ANKS1B: variants seen among roughly 807,000 people sequenced by gnomAD.
The protein encoded by ANKS1B is ankyrin repeat and sterile alpha motif domain containing 1B.
In ANKS1B, 36 loss-of-function variants were observed where a neutral mutation model predicts 148.3. The observed-to-expected ratio is 0.24, with a 90% confidence interval of 0.19 to 0.32. The LOEUF (loss-of-function observed/expected upper bound fraction) is 0.32. Ranked by LOEUF, ANKS1B falls within the 10% of genes least tolerant of loss-of-function variation. ANKS1B has a pLI of 1.00. For missense variants in ANKS1B, 1,157 were observed against 1,542.6 expected (o/e 0.75, Z 4.19); for synonymous variants, 542 against 560.8 (o/e 0.97, Z 0.47).
chr12:98,880,769 A>C (rs912770073), intron 17 of ANKS1B, among the ~76,000 whole-genome samples: 4 of 152,274 alleles, frequency 2.6e-5, no homozygotes, highest in Admixed American at 1.3e-4. Flanking sequence ...CTCCGTCTCA[A>C]AAAAATAAAA....
chr12:98,892,813 C>T (rs1471661339), intron 17 of ANKS1B, among the ~76,000 whole-genome samples: 4 of 152,220 alleles, frequency 2.6e-5, no homozygotes, highest in Non-Finnish European at 4.4e-5. Flanking sequence ...CTCCTTCTGG[C>T]CCCCATTAGG....
At chr12:98,880,723 G>A (rs1567480243) in intron 17 of ANKS1B, among the ~76,000 whole-genome samples, 2 of 151,974 alleles carry the variant, frequency 1.3e-5, no homozygotes, top group South Asian at 2.1e-4. Flanking sequence ...AGCCGAGATC[G>A]CGCCACTGCA....
At chr12:99,934,467 G>C (rs1441519827) in intron 1 of ANKS1B, among the ~76,000 whole-genome samples, 1 of 152,078 alleles carries the variant, frequency 6.6e-6, no homozygotes, top group African/African-American at 2.4e-5. Flanking sequence ...GTCTGTTCAA[G>C]TTTTGGATTT....
At chr12:99,116,785 T>C (rs1428311158) in intron 15 of ANKS1B, among the ~76,000 whole-genome samples, 1 of 152,218 alleles carries the variant, frequency 6.6e-6, no homozygotes, top group East Asian at 1.9e-4. Context: ...ATAAATTACT[T>C]TGAGCCATAT....
chr12:99,709,228 A>G (rs1413845815), intron 8 of ANKS1B, among the ~76,000 whole-genome samples: 2 of 152,174 alleles, frequency 1.3e-5, no homozygotes, highest in Admixed American at 6.5e-5. Flanking sequence ...GTGAACACTT[A>G]AAGAATTCTA....
intron 8 of ANKS1B, among the ~76,000 whole-genome samples, chr12:99,657,659 A>G (rs7305080): frequency 6.8e-6 from 1 of 146,840 alleles, no homozygotes; most frequent in South Asian, 2.2e-4. Context: ...ATATATATAT[A>G]TGATAAAGTT....
At chr12:98,945,095 T>A (rs544929041) in intron 17 of ANKS1B, among the ~76,000 whole-genome samples, 1 of 152,208 alleles carries the variant, frequency 6.6e-6, no homozygotes, top group Non-Finnish European at 1.5e-5. Context: ...AGCTTTTCTG[T>A]ATATTTATGT....
chr12:98,767,587 T>G (rs1016841442), intron 25 of ANKS1B, among the ~76,000 whole-genome samples: 5 of 152,058 alleles, frequency 3.3e-5, no homozygotes, highest in Admixed American at 2.0e-4. Flanking sequence ...TTCAGAGGAG[T>G]GAGAATTAGC....
chr12:99,581,073 A>G (rs896492308), intron 9 of ANKS1B, among the ~76,000 whole-genome samples: 1 of 152,204 alleles, frequency 6.6e-6, no homozygotes, highest in Non-Finnish European at 1.5e-5. Context: ...TAAGATAAAT[A>G]AGGAAACGCA....
chr12:98,838,023 A>G (rs1394498417), intron 17 of ANKS1B, among the ~76,000 whole-genome samples: 2 of 152,222 alleles, frequency 1.3e-5, no homozygotes, highest in Non-Finnish European at 2.9e-5. Flanking sequence ...TGTGGTGGTC[A>G]TATCACGAGT....
At chr12:98,818,224 C>T (rs2099158023) in intron 19 of ANKS1B, among the ~76,000 whole-genome samples, 2 of 144,390 alleles carry the variant, frequency 1.4e-5, no homozygotes, top group South Asian at 4.9e-4. Context: ...TCTTTCCCTT[C>T]CTTCCTTAAC....
At chr12:99,344,725 T>C (rs530779067) in intron 12 of ANKS1B, among the ~76,000 whole-genome samples, 1 of 152,072 alleles carries the variant, frequency 6.6e-6, no homozygotes, top group East Asian at 1.9e-4. Context: ...GCAAATTATA[T>C]TTGCATATGA....
intron 1 of ANKS1B, among the ~76,000 whole-genome samples, chr12:99,856,908 C>A (rs1007559273): frequency 2.0e-5 from 3 of 152,148 alleles, no homozygotes; most frequent in African/African-American, 7.2e-5. Flanking sequence ...CCATCTATTA[C>A]AAACCCACAG....
intron 2 of ANKS1B, among the ~76,000 whole-genome samples, chr12:99,817,779 C>T (rs2082059107): frequency 6.6e-6 from 1 of 151,718 alleles, no homozygotes; most frequent in Non-Finnish European, 1.5e-5. Flanking sequence ...AGCATTTTTT[C>T]ATATGCCTGT....
intron 14 of ANKS1B, among the ~76,000 whole-genome samples, chr12:99,158,895 A>G (rs2076355451): frequency 6.6e-6 from 1 of 152,112 alleles, no homozygotes; most frequent in Admixed American, 6.5e-5. Context: ...AGCATTTCCA[A>G]TTTCCTCTAA....
intron 12 of ANKS1B, among the ~76,000 whole-genome samples, chr12:99,298,057 A>C (rs1300369515): frequency 2.6e-5 from 4 of 152,290 alleles, no homozygotes; most frequent in South Asian, 4.1e-4. Flanking sequence ...TCTTCTAGTC[A>C]AACTTCCTCT....
chr12:99,553,906 A>G (rs764569764), intron 9 of ANKS1B, among the ~76,000 whole-genome samples: 12 of 152,194 alleles, frequency 7.9e-5, no homozygotes, highest in Non-Finnish European at 1.8e-4. Context: ...TTCAAGGTTG[A>G]ACAAATGAAC....
chr12:98,981,770 T>C (rs1393746042), intron 17 of ANKS1B, among the ~76,000 whole-genome samples: 2 of 152,244 alleles, frequency 1.3e-5, no homozygotes, highest in African/African-American at 4.8e-5. Context: ...CCTTAAATGA[T>C]TAATCATAAT....
chr12:99,541,786 C>T (rs2097128535), intron 9 of ANKS1B, among the ~76,000 whole-genome samples: 1 of 151,384 alleles, frequency 6.6e-6, no homozygotes, highest in South Asian at 2.1e-4. Flanking sequence ...ACCTGCGGAG[C>T]GGAGGTTGCA....
Sources: gnomAD v4.1 joint callset for allele counts (sites outside exome capture counted in the v4.1 genomes callset) on GRCh38, gnomAD v4.1.1 for gene constraint, MANE v1.5 for transcripts, NCBI Gene and HGNC (gene_info 2026-07-23, HGNC 2026-07-21) for gene names.